The following ASPH variants were observed in gnomAD, a reference collection of about 807,000 sequenced individuals.
ASPH encodes the protein aspartate beta-hydroxylase.
Under a neutral mutation model 118.4 loss-of-function variants are expected in ASPH, and 100 were observed. That is an observed-to-expected ratio of 0.84 (90% CI 0.72 to 1.00). The LOEUF (loss-of-function observed/expected upper bound fraction) is 1.00. Ranked by LOEUF, ASPH falls within the 50% of genes least tolerant of loss-of-function variation. ASPH has a pLI of 0.00. For missense variants in ASPH, 920 were observed against 919.5 expected (o/e 1.00, Z -0.01); for synonymous variants, 315 against 325.6 (o/e 0.97, Z 0.35).
chr8:61,526,896 A>C lies in ASPH; in HGVS notation c.1765-784T>G, dbSNP rs137880914. Reference sequence around the variant, plus strand: ...AGAAGGCAAAGGTGAGGATCTGAGCAGCAAACTAAGATGGATTTCCATCAG... The same window carrying C: ...AGAAGGCAAAGGTGAGGATCTGAGCCGCAAACTAAGATGGATTTCCATCAG... On this transcript the variant is annotated intron_variant, in intron 21 of 24. Coordinates refer to ENST00000379454, the MANE Select transcript of ASPH (RefSeq NM_004318.4). 1.8e-4 allele frequency among the ~76,000 whole-genome samples: 27 copies of C among 152,306 alleles called. No homozygotes were observed. In the East Asian group the frequency reaches 4.8e-3, roughly 27 times the overall value.
At chr8:61,643,024 T>C (rs1339430551) in intron 9 of ASPH, 104 bp from the exon 10 acceptor site, 50 of 1,025,530 alleles carry the variant, frequency 4.9e-5, no homozygotes, top group Non-Finnish European at 6.8e-5. Context: ...CACAGAACTC[T>C]ACTCCTTCAA....
chr8:61,604,943 C>T (rs1845125357), intron 14 of ASPH, among the ~76,000 whole-genome samples: 1 of 152,122 alleles, frequency 6.6e-6, no homozygotes, highest in African/African-American at 2.4e-5. Context: ...TATAATAAAT[C>T]CCTTAAGCAT....
intron 2 of ASPH, among the ~76,000 whole-genome samples, chr8:61,682,665 G>C (rs1057264696): frequency 6.6e-6 from 1 of 152,104 alleles, no homozygotes; most frequent in Non-Finnish European, 1.5e-5. Flanking sequence ...AATCTATCCA[G>C]AGACACTTTC....
chr8:61,628,323 C>CTTTTTTTTT lies in ASPH; in HGVS notation c.934+5351_934+5359dup, dbSNP rs398008041. 6.2e-5 allele frequency: 11 copies of CTTTTTTTTT among 178,010 alleles called. 1 individual carries two copies. Among genetic ancestry groups the CTTTTTTTTT allele is most frequent in the African/African-American group, 5.7e-4 (10 of 17,490 alleles). 11.0% of individuals were successfully genotyped at this position (178,010 alleles called of 1,614,324 possible). The stretch of plus-strand genomic sequence containing the variant: ...TACAGGCACGTGACACCAAGCCCGG[C>CTTTTTTTTT]TTTTTTTTTTTTTTTTTTTTTTTTT... On this transcript the variant is annotated intron_variant, in intron 13 of 24. Coordinates refer to ENST00000379454, the MANE Select transcript of ASPH (RefSeq NM_004318.4).
At chr8:61,588,626 C>T (rs954800184) in intron 14 of ASPH, among the ~76,000 whole-genome samples, 1 of 152,194 alleles carries the variant, frequency 6.6e-6, no homozygotes, top group East Asian at 1.9e-4. Flanking sequence ...CCATGTTCTA[C>T]CTTGTTCTCA....
In ASPH at chr8:61,525,865, C is replaced by T. The variant is rs559115771; in HGVS notation, c.1900+112G>A. 177 of 1,457,640 alleles carry T rather than the reference C, an allele frequency of 1.2e-4. No individual in the cohort carries two copies. The African/African-American group carries it at 2.3e-3, about 19-fold the overall frequency. 90.3% of individuals were successfully genotyped at this position (1,457,640 alleles called of 1,614,324 possible). On this transcript the variant is annotated intron_variant, in intron 22 of 24. Coordinates refer to ENST00000379454, the MANE Select transcript of ASPH (RefSeq NM_004318.4). ...AAAATCTAGGTTTTTTTGGGCCCCT[C>T]GTTTAAGCCTGGGAATCCCAGCTCT... is the stretch of plus-strand genomic sequence containing the variant.
At chr8:61,696,612 CG>C (rs1294730853) in intron 1 of ASPH, among the ~76,000 whole-genome samples, 1 of 151,762 alleles carries the variant, frequency 6.6e-6, no homozygotes, top group Non-Finnish European at 1.5e-5. Flanking sequence ...GCTCTGCAAA[CG>C]TAATTATTTC....
chr8:61,625,045 T>A (rs970458070), intron 13 of ASPH: 35 of 985,656 alleles, frequency 3.6e-5, no homozygotes, highest in Non-Finnish European at 4.1e-5. Flanking sequence ...GGGGAAAAAG[T>A]CACCTTATCT....
chr8:61,689,720 C>T, intron 1 of ASPH: 1 of 1,565,158 alleles, frequency 6.4e-7, no homozygotes, highest in Non-Finnish European at 8.7e-7. Flanking sequence ...ATAATAAATG[C>T]TAAAGTAAAA....
At chr8:61,562,168 C>T (rs1016919288) in intron 18 of ASPH, among the ~76,000 whole-genome samples, 9 of 152,242 alleles carry the variant, frequency 5.9e-5, no homozygotes, top group Middle Eastern at 3.4e-3. Context: ...AAAGAAGTCA[C>T]ATTTCTCTAG....
chr8:61,574,701 G>C (rs566686447), intron 16 of ASPH, among the ~76,000 whole-genome samples: 7 of 152,118 alleles, frequency 4.6e-5, no homozygotes, highest in African/African-American at 9.7e-5. Context: ...CCTGTCGGGT[G>C]GGGGGCTAGG....
At chr8:61,670,625 T>G (rs1022958187) in intron 3 of ASPH, among the ~76,000 whole-genome samples, 2 of 151,958 alleles carry the variant, frequency 1.3e-5, no homozygotes, top group African/African-American at 4.8e-5. Context: ...GGTTTTGTTT[T>G]GAAGGTCGAG....
intron 1 of ASPH, among the ~76,000 whole-genome samples, chr8:61,705,902 C>T (rs73269291): frequency 0.032 from 4,846 of 152,288 alleles, 242 homozygotes; most frequent in African/African-American, 0.11. Context: ...GACTAATAGA[C>T]ATGACAAAGC....
chr8:61,548,197 C>T lies in ASPH; in HGVS notation c.1638G>A (p.Trp546Ter). Residue 546 changes from tryptophan (W) to a stop codon, truncating the protein, a stop_gained, in exon 21 of 25, where the codon TGG (tryptophan) becomes TGA (stop). Transcript: ENST00000379454. LOFTEE classifies it high-confidence loss of function. ...QRVGNKEAYK[W>*]YELGHKRGHF... is the part of the protein sequence containing the mutation. ...GTCCTCTCTTGTGCCCAAGCTCATACCACTTATATGCCTGAAGGAACAGAA... is the reference window on the plus strand; with the variant it reads ...GTCCTCTCTTGTGCCCAAGCTCATATCACTTATATGCCTGAAGGAACAGAA... 1.2e-6 allele frequency: 2 copies of T among 1,613,434 alleles called. No individual in the cohort carries two copies. Among genetic ancestry groups the T allele is most frequent in the Non-Finnish European group, 1.7e-6 (2 of 1,179,608 alleles).
In ASPH at chr8:61,689,605, C is replaced by A. The variant is rs185618985; in HGVS notation, c.104-5417G>T. The stretch of plus-strand genomic sequence containing the variant: ...CCAAAAATATTTTAACAGAGCACCA[C>A]TGAAAATAAAGTGAAAAGCTGTCAG... On this transcript the variant is annotated intron_variant, in intron 1 of 24. Transcript: ENST00000379454. The A allele has an allele frequency of 4.1e-6, 6 of 1,454,340 alleles. No individual in the cohort carries two copies. In the East Asian group the frequency reaches 1.4e-4, roughly 34 times the overall value. 90.1% of individuals were successfully genotyped at this position (1,454,340 alleles called of 1,614,324 possible). A position where few individuals can be genotyped will look rare whatever the true frequency, so the allele number is the denominator to read the frequency against.
chr8:61,568,890 C>A (rs1832637500), intron 16 of ASPH, among the ~76,000 whole-genome samples: 2 of 152,052 alleles, frequency 1.3e-5, no homozygotes, highest in Non-Finnish European at 2.9e-5. Context: ...GAAAAATGAG[C>A]CAGCTGGCAG....
At chr8:61,555,767 C>A (rs1587005197) in intron 19 of ASPH, among the ~76,000 whole-genome samples, 157 bp downstream of exon 19, 1 of 152,172 alleles carries the variant, frequency 6.6e-6, no homozygotes, top group African/African-American at 2.4e-5. Context: ...ACAGTGGAGG[C>A]CCACGCTGCT....
chr8:61,562,882 T>A lies in ASPH; in HGVS notation c.1301-2A>T. The A allele has an allele frequency of 6.4e-7, 1 of 1,570,636 alleles. No homozygotes were observed. ...TAAGCAGGGAACCTCTCATATGACC[T>A]GAGTAGGTGGGAATTTAAAAAAAAT... On this transcript the variant is annotated splice_acceptor_variant, in intron 17 of 24. Transcript: ENST00000379454. LOFTEE classifies it high-confidence loss of function.
chr8:61,665,385 T>C, intron 3 of ASPH: 1 of 1,613,812 alleles, frequency 6.2e-7, no homozygotes, highest in Non-Finnish European at 8.5e-7. Context: ...GATTTTTTCC[T>C]ATTTTCCTTG....
Sources: gnomAD v4.1 joint callset for allele counts (sites outside exome capture counted in the v4.1 genomes callset) on GRCh38, gnomAD v4.1.1 for gene constraint, MANE v1.5 for transcripts, NCBI Gene and HGNC (gene_info 2026-07-23, HGNC 2026-07-21) for gene names.